Variants in RPTOR observed in about 807,000 individuals in gnomAD.
The protein encoded by RPTOR is regulatory associated protein of MTOR complex 1, also known as regulatory-associated protein of mTOR.
Under a neutral mutation model 169.9 loss-of-function variants are expected in RPTOR, and 21 were observed. The observed-to-expected ratio is 0.12, with a 90% CI of 0.09 to 0.18. RPTOR has a LOEUF of 0.18. Ranked by LOEUF, RPTOR falls within the 10% of genes least tolerant of loss-of-function variation. The pLI is 1.00. For synonymous variants in RPTOR, 732 were observed against 753.2 expected, an observed-to-expected ratio of 0.97 and a Z score of 0.46; for missense variants, 1,133 against 1,855.9, an observed-to-expected ratio of 0.61 and a Z score of 7.16.
At chr17:80,577,188 T>A (rs2064971856) in intron 1 of RPTOR, among the ~76,000 whole-genome samples, 1 of 152,066 alleles carries the variant, frequency 6.6e-6, no homozygotes, top group Admixed American at 6.6e-5. Flanking sequence ...TGCACCACCA[T>A]GTCTGGCTAA....
rs893109226 is a variant in RPTOR at position 80,718,405 on chromosome 17, G to A, written c.507+10406G>A. Among the ~76,000 whole-genome samples the A allele has an allele frequency of 2.0e-5, 3 of 152,206 alleles. No homozygotes were observed. In the East Asian group the frequency reaches 5.8e-4, roughly 29 times the overall value. ...CATAAAATGGATCTTATCATGGAGAGCACAGACGGAAAGCAAAGACTGTTT... is the reference window on the plus strand; with the variant it reads ...CATAAAATGGATCTTATCATGGAGAACACAGACGGAAAGCAAAGACTGTTT... On this transcript the variant is annotated intron_variant, in intron 4 of 33. Transcript: ENST00000306801.
In RPTOR at chr17:80,960,767, G is replaced by A. The variant is rs1297880674; in HGVS notation, c.3605+562G>A. 1.2e-5 allele frequency: 2 copies of A among 162,742 alleles called. No homozygotes were observed. The highest frequency in any genetic ancestry group is 1.6e-4 in the South Asian group (1 of 6,166). The allele number at this position is 162,742 out of a possible 1,614,324, so 10.1% of individuals were successfully genotyped here. On this transcript the variant is annotated intron_variant, in intron 30 of 33. Transcript: ENST00000306801. This position sits in a 1 kb window ranked among gnomAD's most constrained non-coding sequence, Gnocchi z 4.8. ...CCACTGAGCACCCCTGTGGGCAGGT[G>A]CTGTCCATGTCTGGCAGGGGACAGG...
intron 19 of RPTOR, among the ~76,000 whole-genome samples, chr17:80,893,262 GCCAGGGTGCGTGTGTA>G (rs1567972425): frequency 6.6e-6 from 1 of 150,832 alleles, no homozygotes; most frequent in East Asian, 2.0e-4. Flanking sequence ...GGGTGTGTGC[GCCAGGGTGCGTGTGTA>G]CCAGGGTGTG....
rs149577753 is a variant in RPTOR at position 80,912,549 on chromosome 17, C to G, written c.2520+3620C>G. On this transcript the variant is annotated intron_variant, in intron 21 of 33. Coordinates refer to ENST00000306801, the MANE Select transcript of RPTOR (RefSeq NM_020761.3). ...AAGTGCGTTCCTGTGGACCTGGCCT[C>G]CAGTTGTTAAATAGCTCCTCTTGGG... Among the ~76,000 whole-genome samples the G allele has an allele frequency of 6.4e-3, 981 of 152,252 alleles. 11 individuals carry two copies. The highest frequency in any genetic ancestry group is 0.017 in the South Asian group (81 of 4,808).
chr17:80,930,472 A>C, intron 24 of RPTOR, among the ~76,000 whole-genome samples: 1 of 151,006 alleles, frequency 6.6e-6, no homozygotes, highest in African/African-American at 2.4e-5. Flanking sequence ...GCTCATCCCC[A>C]GCTCATCCCC....
rs190411967 is a variant in RPTOR, at chr17:80,730,844, A to G, written c.654+138A>G. 80 of 850,914 alleles carry G rather than the reference A, an allele frequency of 9.4e-5. No homozygotes were observed. The African/African-American group carries it at 1.2e-3, about 12-fold the overall frequency. 52.7% of individuals were successfully genotyped at this position (850,914 alleles called of 1,614,324 possible). ...CTCAGAATGCCAAGGGCAGGATGGCATATTCAATGCTGTTGAGCTAGGGAG... is the reference window on the plus strand; with the variant it reads ...CTCAGAATGCCAAGGGCAGGATGGCGTATTCAATGCTGTTGAGCTAGGGAG... On this transcript the variant is annotated intron_variant, in intron 5 of 33. Transcript: ENST00000306801. This position sits in a 1 kb window ranked among gnomAD's most constrained non-coding sequence, Gnocchi z 4.2.
intron 6 of RPTOR, among the ~76,000 whole-genome samples, chr17:80,783,858 C>G (rs2066965288): frequency 6.6e-6 from 1 of 152,278 alleles, no homozygotes; most frequent in Non-Finnish European, 1.5e-5. Flanking sequence ...TCTTGTCCTG[C>G]TTACCGGCCT....
At position 80,625,756 on chromosome 17, in the gene RPTOR, G is replaced by A. The variant is rs2143532998; in HGVS notation, c.228G>A (p.Val76=). 3 of 1,613,234 alleles carry A rather than the reference G, an allele frequency of 1.9e-6. No individual in the cohort carries two copies. Among genetic ancestry groups the A allele is most frequent in the South Asian group, 2.2e-5 (2 of 91,046 alleles). The change falls in exon 2 of 34, where the codon GTG becomes GTA. Residue 76 remains valine (V), a synonymous_variant. Transcript: ENST00000306801. ...TTGGTGTGGACCCTCCCGATGTGGT[G>A]AAGACCACGCCCTGTGCACGCTTGG... ...LNVGVDPPDV[V]KTTPCARLEC... is the part of the protein sequence containing the mutation.
At chr17:80,670,867 C>G (rs1402874618) in intron 3 of RPTOR, among the ~76,000 whole-genome samples, 1 of 152,054 alleles carries the variant, frequency 6.6e-6, no homozygotes, top group African/African-American at 2.4e-5. Flanking sequence ...AGGGTCTCCT[C>G]GGTCAGGGGA....
In RPTOR at chr17:80,878,229, G is replaced by C. The variant is rs917841405; in HGVS notation, c.1510-2186G>C. On this transcript the variant is annotated intron_variant, in intron 13 of 33. Coordinates refer to ENST00000306801, the MANE Select transcript of RPTOR (RefSeq NM_020761.3). The surrounding 1 kb of genome is among the most constrained non-coding windows in gnomAD (Gnocchi z 4.1). Reference sequence around the variant, plus strand: ...GCTCAGTTTCTAGGTATTGATCCTAGAAACCCATGCTCTGTGGGTCCCTCT... The same window carrying C: ...GCTCAGTTTCTAGGTATTGATCCTACAAACCCATGCTCTGTGGGTCCCTCT... Among the ~76,000 whole-genome samples, 1 of 152,176 alleles carries C rather than the reference G, an allele frequency of 6.6e-6. No individual in the cohort carries two copies. Among genetic ancestry groups the C allele is most frequent in the African/African-American group, 2.4e-5 (1 of 41,438 alleles).
intron 24 of RPTOR, among the ~76,000 whole-genome samples, chr17:80,931,182 A>G (rs527604571): frequency 6.6e-6 from 1 of 152,298 alleles, no homozygotes; most frequent in South Asian, 2.1e-4. Context: ...AGCTGGAAAG[A>G]GCACCACTCC....
chr17:80,728,606 C>T (rs928154451), intron 4 of RPTOR, among the ~76,000 whole-genome samples: 12 of 152,118 alleles, frequency 7.9e-5, no homozygotes, highest in African/African-American at 2.7e-4. Flanking sequence ...TCTGGACTCT[C>T]TCTTTTCTGT....
chr17:80,690,063 A>C (rs77423859), intron 3 of RPTOR, among the ~76,000 whole-genome samples: 1,765 of 152,134 alleles, frequency 0.012, 35 homozygotes, highest in African/African-American at 0.041. Context: ...GTGTTTGCTC[A>C]TTTGCTTCTT....
intron 6 of RPTOR, among the ~76,000 whole-genome samples, chr17:80,783,866 C>T (rs1245056228): frequency 2.0e-5 from 3 of 152,248 alleles, no homozygotes; most frequent in African/African-American, 7.2e-5. Flanking sequence ...TGCTTACCGG[C>T]CTAGAAGCTC....
rs376964368 is a variant in RPTOR at position 80,893,691 on chromosome 17, G to A, written c.2243-16G>A. Reference sequence around the variant, plus strand: ...GTCCCGGGAGCACCCCACTGACCCCGTTGCGTCTCGGGCAGCTGGTGGCGC... The same window carrying A: ...GTCCCGGGAGCACCCCACTGACCCCATTGCGTCTCGGGCAGCTGGTGGCGC... On this transcript the variant is annotated splice_polypyrimidine_tract_variant and intron_variant, in intron 19 of 33. Transcript: ENST00000306801. 5.0e-5 allele frequency: 80 copies of A among 1,605,956 alleles called. No homozygotes were observed. Among genetic ancestry groups the A allele is most frequent in the African/African-American group, 4.2e-4 (31 of 74,468 alleles).
chr17:80,917,230 G>C (rs11650768), intron 21 of RPTOR, among the ~76,000 whole-genome samples: 48,992 of 150,830 alleles, frequency 0.32, 8,057 homozygotes, highest in East Asian at 0.45. Flanking sequence ...CTGCTGCCTC[G>C]GCTTCCCATG....
intron 3 of RPTOR, among the ~76,000 whole-genome samples, chr17:80,649,894 C>T (rs1298728229): frequency 2.0e-5 from 3 of 152,218 alleles, no homozygotes; most frequent in Admixed American, 6.5e-5. Flanking sequence ...CCTGCCCACG[C>T]ACTTCCTGCC....
At position 80,957,613 on chromosome 17, in the gene RPTOR, T is replaced by G; in HGVS notation, c.3371-11T>G. ...CATGGGGTGATGCCATGTCCCACTGTATCTCTCCAGGAGCTGGGATGGTGG... is the reference window on the plus strand; with the variant it reads ...CATGGGGTGATGCCATGTCCCACTGGATCTCTCCAGGAGCTGGGATGGTGG... On this transcript the variant is annotated splice_polypyrimidine_tract_variant and intron_variant, in intron 28 of 33. Transcript: ENST00000306801. This position sits in a 1 kb window ranked among gnomAD's most constrained non-coding sequence, Gnocchi z 4.6. 1 of 1,613,292 alleles carries G rather than the reference T, an allele frequency of 6.2e-7. No individual in the cohort carries two copies. The highest frequency in any genetic ancestry group is 8.5e-7 in the Non-Finnish European group (1 of 1,179,322).
At chr17:80,842,882 G>C (rs1179625307) in intron 10 of RPTOR, among the ~76,000 whole-genome samples, 1 of 152,106 alleles carries the variant, frequency 6.6e-6, no homozygotes, top group Non-Finnish European at 1.5e-5. Context: ...TGTCCGCGTG[G>C]CTCCCTCTGT....
Sources: allele counts gnomAD v4.1 joint callset (sites outside exome capture counted in the v4.1 genomes callset), GRCh38; gene constraint gnomAD v4.1.1; non-coding constraint Gnocchi (gnomAD v3.1); transcripts MANE v1.5; gene names NCBI Gene and HGNC (gene_info 2026-07-23, HGNC 2026-07-21).